The following HEPN1 variants were observed in gnomAD, a reference collection of about 807,000 sequenced individuals.
HEPN1 encodes protein HEPN1.
For synonymous variants in HEPN1, 46 were observed against 41.2 expected, an observed-to-expected ratio of 1.12 and a Z score of -0.45; for missense variants, 97 against 103.3, an observed-to-expected ratio of 0.94 and a Z score of 0.26.
At chr11:124,920,677 G>C (rs1488883225) in exon 1 of HEPN1, 2 of 108,152 alleles carry the variant, frequency 1.8e-5, no homozygotes, top group Non-Finnish European at 2.4e-5. Flanking sequence ...ATCTGAACTT[G>C]CAAAAAAAAA....
exon 1 of HEPN1, chr11:124,920,356 C>T: frequency 6.6e-7 from 1 of 1,522,604 alleles, no homozygotes; most frequent in Non-Finnish European, 8.9e-7. Context: ...ATAAGCCCAT[C>T]CATCTCTTTT....
exon 1 of HEPN1, chr11:124,920,434 C>T (rs1223447917): frequency 6.5e-7 from 1 of 1,547,458 alleles, no homozygotes; most frequent in Non-Finnish European, 8.7e-7. Context: ...GGGAGGAGGC[C>T]AAGCTGGCAG....
At chr11:124,920,073 A>C in exon 1 of HEPN1, 1 of 1,561,992 alleles carries the variant, frequency 6.4e-7, no homozygotes. Flanking sequence ...GGAGCAGGGC[A>C]GATGGGTGGC....
At chr11:124,920,109 C>T (rs1947106419) in exon 1 of HEPN1, 11 of 1,388,902 alleles carry the variant, frequency 7.9e-6, no homozygotes, top group East Asian at 2.3e-5. Context: ...GGATCATGTT[C>T]CCCCCAAATG....
exon 1 of HEPN1, chr11:124,920,157 C>T: frequency 9.8e-7 from 1 of 1,022,016 alleles, no homozygotes; most frequent in Non-Finnish European, 1.4e-6. Flanking sequence ...CCCACCATTT[C>T]TCTGGAGATT....
Position 124,919,656 on chromosome 11 carries a change from G to T in HEPN1, c.-95G>T. On this transcript the variant is annotated 5_prime_UTR_variant, in exon 1 of 1. An upstream open reading frame in the 5' UTR loses its in-frame stop. Coordinates refer to ENST00000408930, the Ensembl canonical transcript of HEPN1. ...GGGAAGTGCCGAGGGACAGGGAGCT[G>T]AGACAGGCATGCTGTGGGGTTCAGG... The T allele has an allele frequency of 7.1e-7, 1 of 1,411,852 alleles. No individual in the cohort carries two copies. The allele number at this position is 1,411,852 out of a possible 1,614,324, so 87.5% of individuals were successfully genotyped here.
rs1480894967 is a variant in HEPN1 at position 124,920,561 on chromosome 11, C to T, written c.*544C>T. 6 of 1,342,612 alleles carry T rather than the reference C, an allele frequency of 4.5e-6. No individual in the cohort carries two copies. In the Admixed American group the frequency reaches 1.3e-4, roughly 30 times the overall value. 83.2% of individuals were successfully genotyped at this position (1,342,612 alleles called of 1,614,324 possible). A position where few individuals can be genotyped will look rare whatever the true frequency, so the allele number is the denominator to read the frequency against. On this transcript the variant is annotated 3_prime_UTR_variant, in exon 1 of 1. Coordinates refer to ENST00000408930, the Ensembl canonical transcript of HEPN1. Reference sequence around the variant, plus strand: ...CCAGGTGCCCAGGGAAGAAGGCCTTCACAATGATCCCCCCAGCTCAGAACA... The same window carrying T: ...CCAGGTGCCCAGGGAAGAAGGCCTTTACAATGATCCCCCCAGCTCAGAACA...
chr11:124,919,471 T>G (rs1947093754), exon 1 of HEPN1: 1 of 471,462 alleles, frequency 2.1e-6, no homozygotes, highest in Admixed American at 3.4e-5. Context: ...AACCTTCACC[T>G]GTGCATCTCA....
chr11:124,920,176 T>G (rs1028662321), exon 1 of HEPN1: 3 of 924,694 alleles, frequency 3.2e-6, no homozygotes, highest in Non-Finnish European at 3.3e-6. Context: ...TTAGGACTTA[T>G]TCTCACAGCT....
exon 1 of HEPN1, chr11:124,919,610 A>C (rs1947095725): frequency 1.1e-6 from 1 of 924,808 alleles, no homozygotes; most frequent in Non-Finnish European, 1.6e-6. Context: ...CTGCGAAGGC[A>C]CACCTGCTCA....
In HEPN1 at chr11:124,919,438, A is replaced by C; in HGVS notation, c.-313A>C. 2 of 326,704 alleles carry C rather than the reference A, an allele frequency of 6.1e-6. No individual in the cohort carries two copies. The highest frequency in any genetic ancestry group is 5.9e-5 in the East Asian group (1 of 16,972). 20.2% of individuals were successfully genotyped at this position (326,704 alleles called of 1,614,324 possible). On this transcript the variant is annotated 5_prime_UTR_variant, in exon 1 of 1. An upstream start codon of the reference 5' UTR is lost. Transcript: ENST00000408930. ...CCCCTCAGGGATTCAGCACCAGGGT[A>C]TGGCATGTTCTCATCTCACCCTAAC...
Position 124,919,747 on chromosome 11 carries a change from G to T in HEPN1, c.-4G>T. The stretch of plus-strand genomic sequence containing the variant: ...GAGACAAAACTTGACCTGGTGTGGA[G>T]GTGATGGGTAACTGGGGCCTTGGAA... On this transcript the variant is annotated 5_prime_UTR_variant, in exon 1 of 1. In the 5' UTR this introduces an upstream ATG that the reference lacks. Coordinates refer to ENST00000408930, the Ensembl canonical transcript of HEPN1. 5.0e-6 allele frequency: 8 copies of T among 1,613,482 alleles called. No individual in the cohort carries two copies. Among genetic ancestry groups the T allele is most frequent in the Non-Finnish European group, 6.8e-6 (8 of 1,179,774 alleles).
chr11:124,920,677 G>GAAA (rs1565336612), downstream of HEPN1: 128 of 108,086 alleles, frequency 1.2e-3, 1 homozygote, highest in African/African-American at 3.5e-3. Context: ...ATCTGAACTT[G>GAAA]CAAAAAAAAA....
chr11:124,920,468 G>A (rs1217148517), exon 1 of HEPN1: 6 of 1,541,028 alleles, frequency 3.9e-6, no homozygotes. Context: ...GCCCTTGCTA[G>A]CGCCCAGGTC....
In HEPN1 at chr11:124,919,480, C is replaced by G. The variant is rs1230892007; in HGVS notation, c.-271C>G. The G allele has an allele frequency of 1.8e-5, 9 of 505,672 alleles. No individual in the cohort carries two copies. The highest frequency in any genetic ancestry group is 1.1e-4 in the African/African-American group (6 of 52,418). 31.3% of individuals were successfully genotyped at this position (505,672 alleles called of 1,614,324 possible). ...CACCCTAACCTTCACCTGTGCATCT[C>G]AAGGCTGACCAGCAGGTACTCCTTA... On this transcript the variant is annotated 5_prime_UTR_variant, in exon 1 of 1. The change creates a premature stop within an existing upstream ORF in the 5' untranslated region. Coordinates refer to ENST00000408930, the Ensembl canonical transcript of HEPN1.
At chr11:124,920,350 G>T (rs201185574) in exon 1 of HEPN1, 50 of 1,507,970 alleles carry the variant, frequency 3.3e-5, no homozygotes, top group Non-Finnish European at 2.7e-6. Context: ...ATAAGAATAA[G>T]CCCATCCATC....
chr11:124,920,012 G>T, exon 1 of HEPN1: 6 of 1,612,478 alleles, frequency 3.7e-6, no homozygotes, highest in Non-Finnish European at 4.2e-6. Flanking sequence ...TTTGATGTTA[G>T]TGTGATTAGG....
At chr11:124,920,405 T>C in exon 1 of HEPN1, 2 of 1,548,528 alleles carry the variant, frequency 1.3e-6, no homozygotes, top group Non-Finnish European at 8.7e-7. Flanking sequence ...TGGCATGGCA[T>C]GCCTCCGAGG....
At chr11:124,920,211 A>G in exon 1 of HEPN1, 2 of 867,812 alleles carry the variant, frequency 2.3e-6, no homozygotes, top group Non-Finnish European at 3.5e-6. Flanking sequence ...AACTTTCCTG[A>G]GGACAATGAT....
Sources: allele counts gnomAD v4.1 joint callset, GRCh38; gene constraint gnomAD v4.1.1; transcripts MANE v1.5; gene names NCBI Gene and HGNC (gene_info 2026-07-23, HGNC 2026-07-21).